IPO11: variants seen among roughly 807,000 people sequenced by gnomAD.
IPO11 encodes the protein importin 11, also known as importin-11.
In IPO11, 66 loss-of-function variants were observed where a neutral mutation model predicts 143.2. That is an observed-to-expected ratio of 0.46 (90% CI 0.38 to 0.57). The LOEUF (loss-of-function observed/expected upper bound fraction) is 0.57, where lower values mean the gene tolerates loss of function less well. Among genes scored for constraint, IPO11 ranks in the 20% least tolerant of loss-of-function variants. The pLI, the probability that IPO11 is intolerant of heterozygous loss-of-function variation, is 0.00. For missense variants in IPO11, 1,026 were observed against 1,141.0 expected (o/e 0.90, Z 1.45); for synonymous variants, 385 against 377.8 (o/e 1.02, Z -0.22).
chr5:62,506,494 T>G, intron 19 of IPO11, 137 bp downstream of exon 19: 1 of 521,568 alleles, frequency 1.9e-6, no homozygotes, highest in Non-Finnish European at 3.4e-6. Flanking sequence ...GTGGTTTCAG[T>G]TATGTATTAT....
At position 62,465,185 on chromosome 5, in the gene IPO11, A is replaced by G. The variant is rs114366481; in HGVS notation, c.517-1946A>G. ...GAATTCTTACCTCTTCTGCGTCTAA[A>G]TCCTTCTGTTCGTATTCTTTCACTT... is the stretch of plus-strand genomic sequence containing the variant. On this transcript the variant is annotated intron_variant, in intron 5 of 29. Coordinates refer to ENST00000325324, the MANE Select transcript of IPO11 (RefSeq NM_016338.5). Among the ~76,000 whole-genome samples, 673 of 152,252 alleles carry G rather than the reference A, an allele frequency of 4.4e-3. 7 individuals are homozygous for G. The highest frequency in any genetic ancestry group is 0.016 in the African/African-American group (649 of 41,540).
At chr5:62,533,192 T>C (rs1742615988) in intron 22 of IPO11, among the ~76,000 whole-genome samples, 1 of 150,264 alleles carries the variant, frequency 6.7e-6, no homozygotes, top group Non-Finnish European at 1.5e-5. Flanking sequence ...GCTTTTTGCA[T>C]GTATATTCTT....
chr5:62,469,104 A>T (rs1745672613), intron 6 of IPO11, among the ~76,000 whole-genome samples: 1 of 152,180 alleles, frequency 6.6e-6, no homozygotes, highest in Non-Finnish European at 1.5e-5. Flanking sequence ...TGAGAAAGTG[A>T]TCTTTGAGCT....
At chr5:62,535,053 TTGA>T (rs946575740) in intron 22 of IPO11, among the ~76,000 whole-genome samples, 3 of 150,678 alleles carry the variant, frequency 2.0e-5, no homozygotes, top group African/African-American at 7.3e-5. Context: ...ATTTATTTAT[TTGA>T]TGATGATAAC....
rs1199532169 is a variant in IPO11, at chr5:62,591,690, T to C, written c.2678+18T>C. The stretch of plus-strand genomic sequence containing the variant: ...TATAAAGAGTAGGTGCATTATTTAA[T>C]TAATCATAATTGGACTTGGGGGATA... On this transcript the variant is annotated intron_variant, in intron 28 of 29. Coordinates refer to ENST00000325324, the MANE Select transcript of IPO11 (RefSeq NM_016338.5). 2 of 1,509,354 alleles carry C rather than the reference T, an allele frequency of 1.3e-6. No homozygotes were observed. Among genetic ancestry groups the C allele is most frequent in the Non-Finnish European group, 1.8e-6 (2 of 1,099,074 alleles). The allele number at this position is 1,509,354 out of a possible 1,614,324, so 93.5% of individuals were successfully genotyped here. A position where few individuals can be genotyped will look rare whatever the true frequency, so the allele number is the denominator to read the frequency against.
chr5:62,451,574 G>C (rs1367408550), intron 4 of IPO11, among the ~76,000 whole-genome samples, 156 bp from the exon 5 acceptor site: 1 of 152,176 alleles, frequency 6.6e-6, no homozygotes, highest in South Asian at 2.1e-4. Context: ...TCTACCAGGG[G>C]TCCATGGGCC....
intron 1 of IPO11, among the ~76,000 whole-genome samples, chr5:62,431,142 C>T (rs1256089299): frequency 1.3e-5 from 2 of 151,802 alleles, no homozygotes; most frequent in African/African-American, 4.8e-5. Context: ...GTACGCCTGG[C>T]TAATTTTTTA....
At chr5:62,417,194 G>A (rs925978612) in intron 1 of IPO11, among the ~76,000 whole-genome samples, 40 of 151,254 alleles carry the variant, frequency 2.6e-4, no homozygotes, top group African/African-American at 9.5e-4. Flanking sequence ...CAGGGCTCAA[G>A]TGATCCTGCC....
At chr5:62,443,278 T>C (rs1230878064) in intron 3 of IPO11, 195 bp downstream of exon 3, 3 of 445,950 alleles carry the variant, frequency 6.7e-6, no homozygotes, top group African/African-American at 6.1e-5. Flanking sequence ...GTGTTTGATA[T>C]TTAAAAAAAA....
intron 29 of IPO11, among the ~76,000 whole-genome samples, chr5:62,609,630 A>G (rs985520875): frequency 2.0e-5 from 3 of 152,236 alleles, no homozygotes; most frequent in African/African-American, 7.2e-5. Context: ...GGCTGACAAC[A>G]CAATTGTGTC....
intron 23 of IPO11, 45 bp downstream of exon 23, chr5:62,536,826 A>G (rs1321376605): frequency 7.2e-7 from 1 of 1,398,386 alleles, no homozygotes; most frequent in South Asian, 1.6e-5. Context: ...TATAATTATT[A>G]TTTTGATTAT....
intron 18 of IPO11, 76 bp from the exon 19 acceptor site, chr5:62,506,165 A>C: frequency 1.4e-6 from 1 of 701,838 alleles, no homozygotes; most frequent in Non-Finnish European, 2.3e-6. Context: ...TTTATTTCTT[A>C]CTTCTGTTCG....
At chr5:62,612,203 C>T (rs148006752) in intron 29 of IPO11, among the ~76,000 whole-genome samples, 1 of 152,026 alleles carries the variant, frequency 6.6e-6, no homozygotes, top group Non-Finnish European at 1.5e-5. Flanking sequence ...TTCAGTGAAC[C>T]AGTATTTTCC....
chr5:62,446,577 G>C (rs1173181383), intron 3 of IPO11, among the ~76,000 whole-genome samples: 1 of 152,122 alleles, frequency 6.6e-6, no homozygotes, highest in East Asian at 1.9e-4. Flanking sequence ...ATTGTGAAGG[G>C]TCTGTTATTT....
intron 24 of IPO11, among the ~76,000 whole-genome samples, chr5:62,542,150 A>G (rs933206985): frequency 2.0e-5 from 3 of 151,870 alleles, no homozygotes; most frequent in Non-Finnish European, 2.9e-5. Flanking sequence ...ATCTCGGCTC[A>G]CCACAACCTC....
At chr5:62,504,263 C>A (rs569292370) in intron 16 of IPO11, among the ~76,000 whole-genome samples, 2 of 152,226 alleles carry the variant, frequency 1.3e-5, no homozygotes, top group East Asian at 1.9e-4. Context: ...TCTTTCTCCT[C>A]CCCACCTCCT....
At chr5:62,432,660 C>T (rs1318704798) in intron 1 of IPO11, among the ~76,000 whole-genome samples, 1 of 152,202 alleles carries the variant, frequency 6.6e-6, no homozygotes, top group Admixed American at 6.5e-5. Context: ...TTATAATTTT[C>T]ACCAGTTAGG....
chr5:62,530,929 C>G, intron 22 of IPO11, 144 bp downstream of exon 22: 1 of 642,286 alleles, frequency 1.6e-6, no homozygotes, highest in Non-Finnish European at 2.8e-6. Flanking sequence ...ACGTTTGTTA[C>G]ATGGATATAT....
In IPO11 at chr5:62,528,866, G is replaced by A. The variant is rs183848205; in HGVS notation, c.2013-1843G>A. The stretch of plus-strand genomic sequence containing the variant: ...AACCAGTACACCAGTTGATGCTTGG[G>A]GTCACGAATATGGAGTGAAACTTTC... On this transcript the variant is annotated intron_variant, in intron 21 of 29. Coordinates refer to ENST00000325324, the MANE Select transcript of IPO11 (RefSeq NM_016338.5). 8.2e-4 allele frequency among the ~76,000 whole-genome samples: 125 copies of A among 152,132 alleles called. 1 individual carries two copies. Among genetic ancestry groups the A allele is most frequent in the Non-Finnish European group, 1.3e-3 (90 of 67,986 alleles).
Sources: gnomAD v4.1 joint callset for allele counts (sites outside exome capture counted in the v4.1 genomes callset) on GRCh38, gnomAD v4.1.1 for gene constraint, MANE v1.5 for transcripts, NCBI Gene and HGNC (gene_info 2026-07-23, HGNC 2026-07-21) for gene names.